ABCA13: variants seen among roughly 807,000 people sequenced by gnomAD.
ABCA13 encodes ATP binding cassette subfamily A member 13.
A neutral mutation model predicts 478.7 loss-of-function variants in ABCA13; 476 were observed. The observed-to-expected ratio is 0.99, with a 90% CI of 0.92 to 1.07. ABCA13 has a LOEUF of 1.07. Ranked by LOEUF, ABCA13 falls within the 50% of genes least tolerant of loss-of-function variation. ABCA13 has a pLI of 0.00. For synonymous variants in ABCA13, 2,252 were observed against 2,158.9 expected (o/e 1.04, Z -1.20); for missense variants, 6,060 against 5,910.6 (o/e 1.03, Z -0.83).
intron 59 of ABCA13, among the ~76,000 whole-genome samples, chr7:48,638,281 C>T (rs1309409544): frequency 6.6e-6 from 1 of 152,096 alleles, no homozygotes; most frequent in Non-Finnish European, 1.5e-5. Flanking sequence ...TGACGTTGAC[C>T]CAACCACTTT....
At chr7:48,280,025 C>T in intron 18 of ABCA13, 105 bp downstream of exon 18, 1 of 1,228,360 alleles carries the variant, frequency 8.1e-7, no homozygotes, top group Non-Finnish European at 1.1e-6. Flanking sequence ...TTCTTCTTGA[C>T]TTCAACTTTG....
intron 59 of ABCA13, among the ~76,000 whole-genome samples, chr7:48,637,341 G>C (rs1794720848): frequency 7.7e-6 from 1 of 130,694 alleles, no homozygotes; most frequent in Admixed American, 9.2e-5. Context: ...GCTTGCCATG[G>C]CTTCTTCTAT....
At chr7:48,238,554 C>T (rs562863791) in intron 8 of ABCA13, among the ~76,000 whole-genome samples, 150 of 151,972 alleles carry the variant, frequency 9.9e-4, no homozygotes, top group African/African-American at 3.3e-3. Flanking sequence ...CTGCAAGCTC[C>T]GCCTCCTGGG....
chr7:48,424,549 A>T (rs1287466081), intron 41 of ABCA13, among the ~76,000 whole-genome samples: 1 of 152,214 alleles, frequency 6.6e-6, no homozygotes, highest in African/African-American at 2.4e-5. Context: ...TTTTGCTGAA[A>T]GTTGCAGTTG....
intron 38 of ABCA13, among the ~76,000 whole-genome samples, chr7:48,399,696 G>A (rs1053098957): frequency 6.6e-6 from 1 of 152,270 alleles, no homozygotes; most frequent in Non-Finnish European, 1.5e-5. Context: ...AAGAGACAGT[G>A]CACAAGAGCA....
At chr7:48,465,624 C>T (rs1053939634) in intron 43 of ABCA13, among the ~76,000 whole-genome samples, 31 of 149,982 alleles carry the variant, frequency 2.1e-4, no homozygotes, top group Admixed American at 1.5e-3. Context: ...TACATGCGTA[C>T]GATGTATAAT....
chr7:48,484,587 C>G (rs1829103468), intron 47 of ABCA13, among the ~76,000 whole-genome samples: 1 of 152,182 alleles, frequency 6.6e-6, no homozygotes, highest in Non-Finnish European at 1.5e-5. Context: ...TTTGAAGTGT[C>G]TGAGGCACGG....
intron 42 of ABCA13, among the ~76,000 whole-genome samples, chr7:48,447,793 G>A (rs557674095): frequency 3.3e-5 from 5 of 152,250 alleles, no homozygotes; most frequent in African/African-American, 1.2e-4. Context: ...TGGGGAGTGA[G>A]ATTAAAGCTG....
intron 59 of ABCA13, among the ~76,000 whole-genome samples, chr7:48,625,782 T>C (rs1373495912): frequency 6.6e-6 from 1 of 152,246 alleles, no homozygotes; most frequent in Admixed American, 6.5e-5. Flanking sequence ...GCATTCATTT[T>C]TTAATATTTT....
chr7:48,632,918 A>G (rs1794283835), intron 59 of ABCA13, among the ~76,000 whole-genome samples: 1 of 152,182 alleles, frequency 6.6e-6, no homozygotes, highest in Non-Finnish European at 1.5e-5. Flanking sequence ...AATACAAAAA[A>G]ATTACTGAAG....
intron 3 of ABCA13, among the ~76,000 whole-genome samples, chr7:48,218,879 T>C (rs1786892743): frequency 6.6e-6 from 1 of 152,236 alleles, no homozygotes; most frequent in Non-Finnish European, 1.5e-5. Context: ...ATGGTAGATA[T>C]GCATGTTGAC....
rs1796223786 is a variant in ABCA13, at chr7:48,275,794, C to G, written c.6128C>G (p.Ser2043Ter). 6.2e-7 allele frequency: 1 copy of G among 1,612,064 alleles called. No individual in the cohort carries two copies. Among genetic ancestry groups the G allele is most frequent in the Admixed American group, 1.7e-5 (1 of 59,728 alleles). ...ACAGGTAGCAGTTTAGAAGCATTAT[C>G]AAGTTTTATTGAAAAAAGTGAAACA... The part of the protein sequence containing the change: ...NVTGSSLEAL[S>*]SFIEKSETPY... The change falls in exon 17 of 62, where the codon TCA becomes TGA. Residue 2043 changes from serine to a stop codon, truncating the protein, a stop_gained. Coordinates refer to ENST00000435803, the MANE Select transcript of ABCA13 (RefSeq NM_152701.5). LOFTEE classifies it high-confidence loss of function.
At chr7:48,237,696 A>G (rs925707874) in intron 8 of ABCA13, among the ~76,000 whole-genome samples, 3 of 152,196 alleles carry the variant, frequency 2.0e-5, no homozygotes, top group Non-Finnish European at 4.4e-5. Context: ...CTGCAAGAGA[A>G]TAGTCCTCCT....
chr7:48,190,088 C>G (rs1013528770), intron 1 of ABCA13, among the ~76,000 whole-genome samples: 2 of 152,090 alleles, frequency 1.3e-5, no homozygotes, highest in African/African-American at 4.8e-5. Context: ...GTTTGTTAAT[C>G]CTAGGTGCTA....
At chr7:48,538,175 A>T (rs1307382448) in intron 55 of ABCA13, among the ~76,000 whole-genome samples, 5 of 136,932 alleles carry the variant, frequency 3.7e-5, no homozygotes, top group African/African-American at 1.4e-4. Context: ...ATCTCAGCTC[A>T]CTGTAACCTC....
chr7:48,429,429 T>G (rs1821850483), intron 42 of ABCA13, among the ~76,000 whole-genome samples: 1 of 152,212 alleles, frequency 6.6e-6, no homozygotes, highest in African/African-American at 2.4e-5. Context: ...TCCCAACCCT[T>G]GTTATTATCT....
intron 23 of ABCA13, among the ~76,000 whole-genome samples, chr7:48,301,160 G>A (rs924537307): frequency 2.6e-5 from 4 of 151,898 alleles, no homozygotes; most frequent in African/African-American, 9.7e-5. Context: ...AAATCTTAAG[G>A]AGGAAGGGAG....
At chr7:48,298,229 A>T (rs1799675720) in intron 22 of ABCA13, 137 bp from the exon 23 acceptor site, 2 of 755,590 alleles carry the variant, frequency 2.6e-6, no homozygotes, top group Admixed American at 6.3e-5. Flanking sequence ...GTAAGGTATG[A>T]CTTTATTTAG....
chr7:48,430,538 G>T (rs887438424), intron 42 of ABCA13, among the ~76,000 whole-genome samples: 5 of 152,028 alleles, frequency 3.3e-5, no homozygotes, highest in Admixed American at 2.6e-4. Context: ...AGCTGAGCAT[G>T]GTGGCAGGTG....
Sources: allele counts gnomAD v4.1 joint callset (sites outside exome capture counted in the v4.1 genomes callset), GRCh38; gene constraint gnomAD v4.1.1; transcripts MANE v1.5; gene names NCBI Gene and HGNC (gene_info 2026-07-23, HGNC 2026-07-21).